TENM4: variants seen among roughly 807,000 people sequenced by gnomAD.
TENM4 encodes teneurin transmembrane protein 4.
A neutral mutation model predicts 243.3 loss-of-function variants in TENM4; 82 were observed. That is an observed-to-expected ratio of 0.34 (90% CI 0.28 to 0.40). The LOEUF (loss-of-function observed/expected upper bound fraction) is 0.40, where lower values mean the gene tolerates loss of function less well. Among genes scored for constraint, TENM4 ranks in the 10% least tolerant of loss-of-function variants. The probability of loss-of-function intolerance (pLI) is 1.00; values close to 1 mark genes in which losing one functional copy is unlikely to be tolerated. For synonymous variants in TENM4, 1,412 were observed against 1,456.3 expected (o/e 0.97, Z 0.69); for missense variants, 3,138 against 3,673.3 (o/e 0.85, Z 3.77).
At chr11:79,376,235 A>T (rs1197860802) in intron 1 of TENM4, among the ~76,000 whole-genome samples, 1 of 152,232 alleles carries the variant, frequency 6.6e-6, no homozygotes, top group Non-Finnish European at 1.5e-5. Context: ...GGTTTCACCT[A>T]TGTGGATGGA....
At chr11:78,672,493 G>A (rs1031316429) in intron 30 of TENM4, among the ~76,000 whole-genome samples, 164 bp from the exon 31 acceptor site, 5 of 152,196 alleles carry the variant, frequency 3.3e-5, no homozygotes, top group African/African-American at 7.2e-5. Flanking sequence ...TCTGTCATTT[G>A]TCAGCTCTGT....
rs1340167736 is a variant in TENM4, at chr11:78,903,735, T to C, written c.494-212A>G. The C allele has an allele frequency of 3.7e-6, 3 of 804,178 alleles. No homozygotes were observed. The Admixed American group carries it at 6.1e-5, about 16-fold the overall frequency. 49.8% of individuals were successfully genotyped at this position (804,178 alleles called of 1,614,324 possible). On this transcript the variant is annotated intron_variant, in intron 6 of 33. Coordinates refer to ENST00000278550, the MANE Select transcript of TENM4 (RefSeq NM_001098816.3). Reference sequence around the variant, plus strand: ...CCTTAACCAACTAAACAGACAAAAATTCCCGTCCCCACTGAGCTTAAATTC... The same window carrying C: ...CCTTAACCAACTAAACAGACAAAAACTCCCGTCCCCACTGAGCTTAAATTC...
intron 1 of TENM4, among the ~76,000 whole-genome samples, chr11:79,345,598 G>A (rs116819796): frequency 0.021 from 3,256 of 152,226 alleles, 106 homozygotes; most frequent in African/African-American, 0.074. Flanking sequence ...TCTTCAGAGG[G>A]GCAAAGACTA....
At position 78,701,837 on chromosome 11, in the gene TENM4, G is replaced by A. The variant is rs754164686; in HGVS notation, c.4776C>T (p.Thr1592=). 49 of 1,613,890 alleles carry A rather than the reference G, an allele frequency of 3.0e-5. No individual in the cohort carries two copies. The highest frequency in any genetic ancestry group is 8.9e-5 in the East Asian group (4 of 44,886). Residue 1592 remains threonine (T), a synonymous_variant, in exon 28 of 34, where the codon ACC becomes ACT. Coordinates refer to ENST00000278550, the MANE Select transcript of TENM4 (RefSeq NM_001098816.3). ...GGCTTTGGGTGTACAGGTGCTTGCC[G>A]GTGGTATCAAACAGATAGAGCTCCT... ...IDQELYLFDT[T]GKHLYTQSLP... is the part of the protein sequence containing the mutation.
At chr11:79,170,940 C>T (rs1470902086) in intron 3 of TENM4, among the ~76,000 whole-genome samples, 1 of 152,072 alleles carries the variant, frequency 6.6e-6, no homozygotes, top group Non-Finnish European at 1.5e-5. Flanking sequence ...ATAAGAGAAC[C>T]ATCTGGACAT....
chr11:79,379,759 C>T (rs1476424864), intron 1 of TENM4, among the ~76,000 whole-genome samples: 1 of 152,120 alleles, frequency 6.6e-6, no homozygotes, highest in African/African-American at 2.4e-5. Flanking sequence ...GTTCCAGAGC[C>T]CATACACCAC....
chr11:79,398,738 A>G (rs997805762), intron 1 of TENM4, among the ~76,000 whole-genome samples: 1 of 36,064 alleles, frequency 2.8e-5, no homozygotes, highest in African/African-American at 1.4e-4. Flanking sequence ...CAGATGCTTT[A>G]AAAAAAAAAA....
intron 6 of TENM4, among the ~76,000 whole-genome samples, chr11:78,917,585 G>T (rs1856346089): frequency 6.6e-6 from 1 of 152,024 alleles, no homozygotes. Flanking sequence ...ACAGATAAAA[G>T]AAATTTTGTC....
chr11:78,879,898 A>G (rs1471862562), intron 9 of TENM4, among the ~76,000 whole-genome samples: 8 of 151,024 alleles, frequency 5.3e-5, no homozygotes, highest in African/African-American at 1.9e-4. Context: ...CCGTCTGGGA[A>G]GTGAGGAGCA....
chr11:78,702,077 G>A lies in TENM4; in HGVS notation c.4536C>T (p.Gly1512=). The change falls in exon 28 of 34, where the codon GGC becomes GGT. Residue 1512 remains glycine, a synonymous_variant. Coordinates refer to ENST00000278550, the MANE Select transcript of TENM4 (RefSeq NM_001098816.3). ...AGTTGGCATCATTTTTACAGTCACAGCCACTGGGGGCCCCAGCAACGAGTG... is the reference window on the plus strand; with the variant it reads ...AGTTGGCATCATTTTTACAGTCACAACCACTGGGGGCCCCAGCAACGAGTG... The part of the protein sequence containing the change: ...EISLVAGAPS[G]CDCKNDANCD... The A allele has an allele frequency of 6.2e-7, 1 of 1,613,844 alleles. No individual in the cohort carries two copies. The highest frequency in any genetic ancestry group is 1.1e-5 in the South Asian group (1 of 91,046).
At chr11:79,432,040 C>T (rs992979896) in intron 1 of TENM4, among the ~76,000 whole-genome samples, 5 of 152,158 alleles carry the variant, frequency 3.3e-5, no homozygotes, top group African/African-American at 9.7e-5. Context: ...CTGGCTAGTG[C>T]AACCAAGGAA....
chr11:78,812,492 C>T (rs1363209183), intron 13 of TENM4, among the ~76,000 whole-genome samples, 176 bp from the exon 14 acceptor site: 2 of 152,240 alleles, frequency 1.3e-5, no homozygotes, highest in Non-Finnish European at 2.9e-5. Context: ...CCAGTTTAAA[C>T]ACACCTAGAT....
chr11:78,800,743 G>A (rs1857265793), intron 15 of TENM4, among the ~76,000 whole-genome samples: 1 of 151,448 alleles, frequency 6.6e-6, no homozygotes, highest in African/African-American at 2.4e-5. Flanking sequence ...AGGGGAGAGA[G>A]AGAGAGAGAG....
chr11:78,671,590 C>T (rs537102754), intron 31 of TENM4, among the ~76,000 whole-genome samples: 3 of 152,230 alleles, frequency 2.0e-5, no homozygotes, highest in African/African-American at 7.2e-5. Flanking sequence ...AGTTCTGATG[C>T]TAGAGCAGAA....
intron 1 of TENM4, among the ~76,000 whole-genome samples, chr11:79,366,705 T>C (rs777834178): frequency 6.6e-6 from 1 of 152,238 alleles, no homozygotes; most frequent in Admixed American, 6.5e-5. Flanking sequence ...GCCATATTCA[T>C]TGTAAGCTCC....
chr11:79,124,118 T>C (rs902239199), intron 4 of TENM4, among the ~76,000 whole-genome samples: 2 of 152,210 alleles, frequency 1.3e-5, no homozygotes, highest in African/African-American at 2.4e-5. Flanking sequence ...TGAGGCTGGG[T>C]ACTTTGTCCT....
At chr11:79,239,734 G>T (rs511903) in intron 2 of TENM4, among the ~76,000 whole-genome samples, 38,681 of 152,002 alleles carry the variant, frequency 0.25, 7,697 homozygotes, top group African/African-American at 0.56. Context: ...GGCACTCTGC[G>T]GAGTGTTCTA....
intron 1 of TENM4, among the ~76,000 whole-genome samples, chr11:79,313,413 A>G (rs1856753224): frequency 6.6e-6 from 1 of 152,182 alleles, no homozygotes; most frequent in Non-Finnish European, 1.5e-5. Context: ...ATGTTCTCCA[A>G]AAGGATAAGC....
At chr11:78,725,944 T>A (rs1360042793) in intron 23 of TENM4, 135 bp downstream of exon 23, 1 of 1,209,672 alleles carries the variant, frequency 8.3e-7, no homozygotes, top group Non-Finnish European at 1.2e-6. Context: ...TCAAGCAATA[T>A]CTGTTGACTG....
Sources: gnomAD v4.1 joint callset for allele counts (sites outside exome capture counted in the v4.1 genomes callset) on GRCh38, gnomAD v4.1.1 for gene constraint, MANE v1.5 for transcripts, NCBI Gene and HGNC (gene_info 2026-07-23, HGNC 2026-07-21) for gene names.